The following TM9SF2 variants were observed in gnomAD, a reference collection of about 807,000 sequenced individuals.
The protein encoded by TM9SF2 is transmembrane 9 superfamily member 2.
Under a neutral mutation model 84.9 loss-of-function variants are expected in TM9SF2, and 13 were observed. That is an observed-to-expected ratio of 0.15 (90% CI 0.10 to 0.24). The LOEUF (loss-of-function observed/expected upper bound fraction) is 0.24, where lower values mean the gene tolerates loss of function less well. Ranked by LOEUF, TM9SF2 falls within the 10% of genes least tolerant of loss-of-function variation. The pLI is 1.00. For missense variants in TM9SF2, 562 were observed against 818.5 expected (o/e 0.69, Z 3.82); for synonymous variants, 273 against 285.8 (o/e 0.96, Z 0.45).
intron 4 of TM9SF2, among the ~76,000 whole-genome samples, chr13:99,535,814 G>A (rs1403051982): frequency 2.6e-5 from 4 of 152,092 alleles, no homozygotes; most frequent in Non-Finnish European, 5.9e-5. Flanking sequence ...TACTCTGGGC[G>A]CAGGGGGCCA....
At chr13:99,553,853 C>G (rs191131876) in intron 13 of TM9SF2, among the ~76,000 whole-genome samples, 1 of 152,126 alleles carries the variant, frequency 6.6e-6, no homozygotes, top group African/African-American at 2.4e-5. Flanking sequence ...TTTTCATGTT[C>G]TTAAGTCTTA....
At chr13:99,540,550 A>G in intron 7 of TM9SF2, 164 bp from the exon 8 acceptor site, 2 of 329,570 alleles carry the variant, frequency 6.1e-6, no homozygotes, top group African/African-American at 2.7e-5. Context: ...CCTAGACTTT[A>G]GTAAATCTGA....
intron 3 of TM9SF2, among the ~76,000 whole-genome samples, chr13:99,525,963 CT>C (rs2046181501): frequency 6.6e-6 from 1 of 152,166 alleles, no homozygotes; most frequent in Non-Finnish European, 1.5e-5. Context: ...CGTGGGTGTC[CT>C]TGCTCTGGCA....
chr13:99,541,460 C>A, intron 8 of TM9SF2, 99 bp from the exon 9 acceptor site: 1 of 779,190 alleles, frequency 1.3e-6, no homozygotes, highest in Non-Finnish European at 2.0e-6. Flanking sequence ...TGATTTTGAT[C>A]AAGACTGTTT....
intron 3 of TM9SF2, among the ~76,000 whole-genome samples, chr13:99,523,969 G>A (rs1312812439): frequency 6.6e-6 from 1 of 152,176 alleles, no homozygotes; most frequent in African/African-American, 2.4e-5. Context: ...AGTGAGCCAT[G>A]TGAATATGTG....
chr13:99,550,391 C>T (rs2046300682), intron 12 of TM9SF2, among the ~76,000 whole-genome samples: 1 of 152,126 alleles, frequency 6.6e-6, no homozygotes, highest in Admixed American at 6.6e-5. Flanking sequence ...TTAAGTTTGC[C>T]AATAATGTTC....
chr13:99,518,056 A>G (rs997452009), intron 2 of TM9SF2, among the ~76,000 whole-genome samples: 4 of 152,210 alleles, frequency 2.6e-5, no homozygotes, highest in Admixed American at 2.0e-4. Context: ...AGTCTAATCT[A>G]TATAATCACA....
intron 4 of TM9SF2, among the ~76,000 whole-genome samples, chr13:99,532,463 G>C (rs1346792744): frequency 6.6e-6 from 1 of 152,096 alleles, no homozygotes; most frequent in Non-Finnish European, 1.5e-5. Flanking sequence ...GCCAAGGCAG[G>C]CAGATCACCT....
intron 6 of TM9SF2, among the ~76,000 whole-genome samples, chr13:99,538,502 T>A (rs1333124406): frequency 6.6e-6 from 1 of 151,924 alleles, no homozygotes; most frequent in Non-Finnish European, 1.5e-5. Context: ...TTTTTTTAAA[T>A]AAGATTATTT....
At chr13:99,536,271 C>T (rs1204396219) in intron 4 of TM9SF2, among the ~76,000 whole-genome samples, 1 of 149,998 alleles carries the variant, frequency 6.7e-6, no homozygotes, top group African/African-American at 2.4e-5. Flanking sequence ...ACCATTTATC[C>T]TTTCAAAAAA....
chr13:99,504,931 A>G (rs1043999015), intron 1 of TM9SF2, among the ~76,000 whole-genome samples: 3 of 152,148 alleles, frequency 2.0e-5, no homozygotes, highest in Non-Finnish European at 1.5e-5. Flanking sequence ...TTTCTCTATT[A>G]TGAATAGCTT....
At chr13:99,516,410 A>G (rs1405904041) in intron 1 of TM9SF2, among the ~76,000 whole-genome samples, 1 of 152,234 alleles carries the variant, frequency 6.6e-6, no homozygotes, top group African/African-American at 2.4e-5. Flanking sequence ...CTCTAACTCT[A>G]TAAAATAAAT....
At chr13:99,519,806 C>T (rs1398470184) in intron 2 of TM9SF2, among the ~76,000 whole-genome samples, 1 of 152,008 alleles carries the variant, frequency 6.6e-6, no homozygotes, top group Non-Finnish European at 1.5e-5. Context: ...AATATGCATT[C>T]TAATAAGAGA....
chr13:99,504,987 A>G (rs7327413), intron 1 of TM9SF2, among the ~76,000 whole-genome samples: 3,770 of 152,336 alleles, frequency 0.025, 162 homozygotes, highest in African/African-American at 0.086. Flanking sequence ...CCCCAAATAT[A>G]AAATTCTAGG....
chr13:99,555,749 T>C, intron 15 of TM9SF2, 102 bp downstream of exon 15: 2 of 695,028 alleles, frequency 2.9e-6, no homozygotes, highest in Non-Finnish European at 4.6e-6. Context: ...AGATGTATGT[T>C]TATTATGATA....
intron 13 of TM9SF2, 88 bp from the exon 14 acceptor site, chr13:99,554,216 A>T: frequency 7.4e-6 from 11 of 1,481,084 alleles, no homozygotes; most frequent in Non-Finnish European, 1.0e-5. Context: ...ATAGAAGCTG[A>T]AAAAAAGCAG....
chr13:99,522,305 G>A (rs1192142690), intron 3 of TM9SF2, among the ~76,000 whole-genome samples: 1 of 152,188 alleles, frequency 6.6e-6, no homozygotes, highest in Admixed American at 6.5e-5. Context: ...ACAGGCATGA[G>A]CCACCATGCC....
intron 4 of TM9SF2, among the ~76,000 whole-genome samples, chr13:99,534,850 T>A (rs909405033): frequency 1.3e-5 from 2 of 152,126 alleles, no homozygotes; most frequent in African/African-American, 4.8e-5. Flanking sequence ...AAGACAGTAA[T>A]TGAAAATCAT....
chr13:99,516,939 C>G (rs558094766), intron 1 of TM9SF2, among the ~76,000 whole-genome samples: 1 of 152,178 alleles, frequency 6.6e-6, no homozygotes, highest in Non-Finnish European at 1.5e-5. Flanking sequence ...AATTTTTGTG[C>G]TGCAGAGTGT....
Sources: gnomAD v4.1 joint callset for allele counts (sites outside exome capture counted in the v4.1 genomes callset) on GRCh38, gnomAD v4.1.1 for gene constraint, MANE v1.5 for transcripts, NCBI Gene and HGNC (gene_info 2026-07-23, HGNC 2026-07-21) for gene names.